Variants in TRHDE observed in about 807,000 individuals in gnomAD.
TRHDE encodes the protein thyrotropin-releasing hormone-degrading ectoenzyme.
Under a neutral mutation model 125.7 loss-of-function variants are expected in TRHDE, and 72 were observed. The ratio of observed to expected loss-of-function variants is 0.57; its 90% CI spans 0.47 to 0.70. The LOEUF is 0.70. Ranked by LOEUF, TRHDE falls within the 30% of genes least tolerant of loss-of-function variation. The probability of loss-of-function intolerance (pLI) is 0.00; values close to 1 mark genes in which losing one functional copy is unlikely to be tolerated. For synonymous variants in TRHDE, 509 were observed against 509.1 expected, an observed-to-expected ratio of 1.00 and a Z score of 0.00; for missense variants, 1,110 against 1,327.1, an observed-to-expected ratio of 0.84 and a Z score of 2.54.
intron 2 of TRHDE, among the ~76,000 whole-genome samples, chr12:72,264,972 C>T (rs1178742254): frequency 6.7e-6 from 1 of 150,052 alleles, no homozygotes; most frequent in African/African-American, 2.4e-5. Context: ...TGGTTATTTT[C>T]AAGAGTTAAT....
intron 3 of TRHDE, among the ~76,000 whole-genome samples, chr12:72,450,989 A>T (rs929293134): frequency 8.5e-5 from 13 of 152,088 alleles, no homozygotes; most frequent in Non-Finnish European, 1.2e-4. Flanking sequence ...TTTCAAAATC[A>T]AATTATTTGT....
rs1459091253 is a variant in TRHDE, at chr12:72,313,047, CT to C, written c.1188+26096del. 3.7e-4 allele frequency among the ~76,000 whole-genome samples: 56 copies of C among 151,994 alleles called. 1 individual carries two copies. Among genetic ancestry groups the C allele is most frequent in the African/African-American group, 1.3e-3 (53 of 41,456 alleles). On this transcript the variant is annotated intron_variant, in intron 2 of 18. Coordinates refer to ENST00000261180, the MANE Select transcript of TRHDE (RefSeq NM_013381.3). Reference sequence around the variant, plus strand: ...ATATTTTTACTCATGTGATATAAGCCTTTATTTGGTTAGAATATAAACATTA... The same window carrying C: ...ATATTTTTACTCATGTGATATAAGCCTTATTTGGTTAGAATATAAACATTA...
intron 15 of TRHDE, among the ~76,000 whole-genome samples, chr12:72,647,214 G>T (rs1874317776): frequency 6.6e-6 from 1 of 151,950 alleles, no homozygotes; most frequent in Admixed American, 6.6e-5. Flanking sequence ...AGATACTCTT[G>T]AACAACAATT....
intron 1 of TRHDE, among the ~76,000 whole-genome samples, chr12:72,282,238 A>G (rs1235786775): frequency 6.6e-6 from 1 of 152,140 alleles, no homozygotes; most frequent in Non-Finnish European, 1.5e-5. Flanking sequence ...CTATATTTAC[A>G]TATATTTTTT....
Position 72,272,548 on chromosome 12 carries a change from C to G in TRHDE, c.-96C>G. On this transcript the variant is annotated 5_prime_UTR_variant, in exon 1 of 19. Transcript: ENST00000261180. This position sits in a 1 kb window ranked among gnomAD's most constrained non-coding sequence, Gnocchi z 6.7. ...GCATCCCCAGTCGCGCGCCCTCGGC[C>G]CGCGTGAGCTCTCCGATGCCTGCTC... The G allele has an allele frequency of 1.7e-6, 1 of 578,504 alleles. No homozygotes were observed. 35.8% of individuals were successfully genotyped at this position (578,504 alleles called of 1,614,324 possible). A position where few individuals can be genotyped will look rare whatever the true frequency, so the allele number is the denominator to read the frequency against.
intron 2 of TRHDE, among the ~76,000 whole-genome samples, chr12:72,176,121 C>T (rs548876503): frequency 6.6e-6 from 1 of 152,240 alleles, no homozygotes; most frequent in East Asian, 1.9e-4. Context: ...CTTTGGGAGG[C>T]TGAGACAGGA....
chr12:72,608,087 T>A (rs146128239), intron 12 of TRHDE, among the ~76,000 whole-genome samples: 3 of 152,244 alleles, frequency 2.0e-5, no homozygotes, highest in African/African-American at 7.2e-5. Flanking sequence ...GTTTTGAGAT[T>A]TATTTTTGAG....
intron 3 of TRHDE, among the ~76,000 whole-genome samples, chr12:72,438,868 A>T (rs1273795733): frequency 1.3e-5 from 2 of 151,856 alleles, no homozygotes; most frequent in Non-Finnish European, 2.9e-5. Context: ...AAGGTGTTGG[A>T]GCATTTCCCC....
chr12:72,286,799 T>G lies in TRHDE; in HGVS notation c.1033T>G (p.Ser345Ala). The change falls in exon 2 of 19, where the codon TCT (serine) becomes GCT (alanine). Residue 345 changes from serine to alanine, a missense_variant. Ser to Ala is a moderately conservative substitution (Grantham distance 99). Coordinates refer to ENST00000261180, the MANE Select transcript of TRHDE (RefSeq NM_013381.3). ...CATCAAGCATCAAGCAACCTATTTA[T>G]CTTTATCTAATATGCCAGTGGAAAC... ...ISIKHQATYL[S>A]LSNMPVETSV... 1 of 1,613,928 alleles carries G rather than the reference T, an allele frequency of 6.2e-7. No homozygotes were observed.
At chr12:72,380,853 C>G (rs779567906) in intron 3 of TRHDE, among the ~76,000 whole-genome samples, 1 of 147,808 alleles carries the variant, frequency 6.8e-6, no homozygotes, top group Non-Finnish European at 1.5e-5. Flanking sequence ...CTCCTTCTCT[C>G]TCTCTCTTTC....
chr12:72,443,647 A>G (rs546216134), intron 3 of TRHDE, among the ~76,000 whole-genome samples: 2 of 151,834 alleles, frequency 1.3e-5, no homozygotes, highest in East Asian at 1.9e-4. Flanking sequence ...ATTTTTCTCT[A>G]TATATTTTAT....
chr12:72,494,851 A>G (rs933424469), intron 5 of TRHDE, among the ~76,000 whole-genome samples: 4 of 152,074 alleles, frequency 2.6e-5, no homozygotes, highest in African/African-American at 7.2e-5. Flanking sequence ...TTTCACTTAC[A>G]TATAGACTAC....
At chr12:72,627,812 C>T (rs888306435) in intron 15 of TRHDE, among the ~76,000 whole-genome samples, 1 of 151,526 alleles carries the variant, frequency 6.6e-6, no homozygotes, top group Non-Finnish European at 1.5e-5. Context: ...CCCAATATAT[C>T]TAGGCCTACA....
At chr12:72,513,754 A>G (rs972068038) in intron 6 of TRHDE, among the ~76,000 whole-genome samples, 1 of 151,942 alleles carries the variant, frequency 6.6e-6, no homozygotes, top group African/African-American at 2.4e-5. Context: ...TTTCCCAAGC[A>G]GGAGAGTTTA....
chr12:72,359,778 G>A (rs1870985095), intron 2 of TRHDE, among the ~76,000 whole-genome samples: 1 of 151,594 alleles, frequency 6.6e-6, no homozygotes, highest in African/African-American at 2.4e-5. Context: ...GTATAAGTGT[G>A]GAAAATTATC....
chr12:72,166,985 G>T (rs996144016), intron 2 of TRHDE, among the ~76,000 whole-genome samples: 1 of 151,534 alleles, frequency 6.6e-6, no homozygotes, highest in South Asian at 2.1e-4. Flanking sequence ...ATGGCTAAGG[G>T]TTGGAAAGAT....
At chr12:72,475,239 C>T (rs1001384738) in intron 5 of TRHDE, among the ~76,000 whole-genome samples, 5 of 152,006 alleles carry the variant, frequency 3.3e-5, no homozygotes, top group Non-Finnish European at 7.4e-5. Context: ...GATGACTTTC[C>T]ACCAACTTTG....
At chr12:72,608,048 C>A (rs1872517390) in intron 12 of TRHDE, among the ~76,000 whole-genome samples, 2 of 151,996 alleles carry the variant, frequency 1.3e-5, no homozygotes, top group African/African-American at 4.8e-5. Context: ...TGTATTGATA[C>A]CTGCATGTAT....
chr12:72,415,859 CTT>C (rs2135820354), intron 3 of TRHDE, among the ~76,000 whole-genome samples: 1 of 152,130 alleles, frequency 6.6e-6, no homozygotes, highest in Non-Finnish European at 1.5e-5. Flanking sequence ...GTGAGGAACT[CTT>C]TGCTATATTG....
Sources: allele counts gnomAD v4.1 joint callset (sites outside exome capture counted in the v4.1 genomes callset), GRCh38; gene constraint gnomAD v4.1.1; non-coding constraint Gnocchi (gnomAD v3.1); transcripts MANE v1.5; gene names NCBI Gene and HGNC (gene_info 2026-07-23, HGNC 2026-07-21).